Variants in RFTN1 observed in about 807,000 individuals in gnomAD.
RFTN1 encodes raftlin.
A neutral mutation model predicts 46.5 loss-of-function variants in RFTN1; 26 were observed. The ratio of observed to expected loss-of-function variants is 0.56; its 90% CI spans 0.41 to 0.78. The LOEUF is 0.78. RFTN1 is among the 30% of genes least tolerant of loss of function. RFTN1 has a pLI of 0.00. For missense variants in RFTN1, 693 were observed against 718.7 expected (o/e 0.96, Z 0.41); for synonymous variants, 261 against 284.2 (o/e 0.92, Z 0.82).
intron 2 of RFTN1, among the ~76,000 whole-genome samples, chr3:16,476,432 C>A (rs2124959857): frequency 6.6e-6 from 1 of 152,206 alleles, no homozygotes; most frequent in Non-Finnish European, 1.5e-5. Context: ...TGGTAAATAC[C>A]ACATAAACAA....
chr3:16,405,994 T>C (rs2089192553), intron 4 of RFTN1, among the ~76,000 whole-genome samples: 2 of 152,118 alleles, frequency 1.3e-5, no homozygotes, highest in Admixed American at 6.5e-5. Context: ...TACATATATA[T>C]AAATAGGGCC....
rs111862223 is a variant in RFTN1 at position 16,512,416 on chromosome 3, C to CT, written c.-9+1025dup. Among the ~76,000 whole-genome samples, 25 of 33,274 alleles carry CT rather than the reference C, an allele frequency of 7.5e-4. No individual in the cohort carries two copies. The highest frequency in any genetic ancestry group is 0.011 in the Middle Eastern group (1 of 94). The allele number at this position is 33,274 out of a possible 152,430, so 21.8% of individuals were successfully genotyped here. A position where few individuals can be genotyped will look rare whatever the true frequency, so the allele number is the denominator to read the frequency against. On this transcript the variant is annotated intron_variant, in intron 1 of 9. Transcript: ENST00000334133. The surrounding 1 kb of genome is among the most constrained non-coding windows in gnomAD (Gnocchi z 4.3). ...GACCACTGACAGAGATTGAGCCAGA[C>CT]TTTTTTTTTAAAAAAGTACTTCTTG...
At chr3:16,411,265 C>T (rs1040955846) in intron 3 of RFTN1, among the ~76,000 whole-genome samples, 1 of 152,054 alleles carries the variant, frequency 6.6e-6, no homozygotes, top group Admixed American at 6.6e-5. Context: ...TTTGCTGCAA[C>T]GTTTTAAATA....
intron 4 of RFTN1, among the ~76,000 whole-genome samples, chr3:16,378,494 A>C (rs1305185816): frequency 6.6e-6 from 1 of 152,196 alleles, no homozygotes; most frequent in Non-Finnish European, 1.5e-5. Flanking sequence ...TTTCGGACGA[A>C]TCACTGACTT....
Position 16,384,028 on chromosome 3 carries a change from G to T in RFTN1, c.442-5926C>A. The stretch of plus-strand genomic sequence containing the variant: ...TAACATTTACTATCAGTTGACTTTC[G>T]GTAAAGTGGATTCCTCCATTATTAG... On this transcript the variant is annotated intron_variant, in intron 4 of 9. Coordinates refer to ENST00000334133, the MANE Select transcript of RFTN1 (RefSeq NM_015150.2). The surrounding 1 kb of genome is among the most constrained non-coding windows in gnomAD (Gnocchi z 4.7). Among the ~76,000 whole-genome samples the T allele has an allele frequency of 6.6e-6, 1 of 152,298 alleles. No individual in the cohort carries two copies. Among genetic ancestry groups the T allele is most frequent in the African/African-American group, 2.4e-5 (1 of 41,566 alleles).
rs914781368 is a variant in RFTN1, at chr3:16,413,807, A to T, written c.333-4324T>A. ...CAACTTGGTATGATAATTCCAATAG[A>T]TTTATTAGTTAGAGGCTACCGGTGT... On this transcript the variant is annotated intron_variant, in intron 3 of 9. Transcript: ENST00000334133. The surrounding 1 kb of genome is among the most constrained non-coding windows in gnomAD (Gnocchi z 4.7). 6.6e-6 allele frequency among the ~76,000 whole-genome samples: 1 copy of T among 152,318 alleles called. No individual in the cohort carries two copies. Among genetic ancestry groups the T allele is most frequent in the African/African-American group, 2.4e-5 (1 of 41,576 alleles).
chr3:16,320,604 A>C lies in RFTN1; in HGVS notation c.1332+2772T>G, dbSNP rs566023951. On this transcript the variant is annotated intron_variant, in intron 9 of 9. Coordinates refer to ENST00000334133, the MANE Select transcript of RFTN1 (RefSeq NM_015150.2). The surrounding 1 kb of genome is among the most constrained non-coding windows in gnomAD (Gnocchi z 4.5). ...CCAAAGGAGAGCTCTGAAGGAGAAG[A>C]ACGTGGTTCTTTTCCAGGGTAGTAC... Among the ~76,000 whole-genome samples, 2 of 152,258 alleles carry C rather than the reference A, an allele frequency of 1.3e-5. No individual in the cohort carries two copies. The highest frequency in any genetic ancestry group is 6.5e-5 in the Admixed American group (1 of 15,286).
chr3:16,370,017 CA>C lies in RFTN1; in HGVS notation c.1030+58del, dbSNP rs1323806409. 1.3e-6 allele frequency: 2 copies of C among 1,490,512 alleles called. No individual in the cohort carries two copies. The highest frequency in any genetic ancestry group is 2.8e-5 in the African/African-American group (2 of 72,508). 92.3% of individuals were successfully genotyped at this position (1,490,512 alleles called of 1,614,324 possible). A position where few individuals can be genotyped will look rare whatever the true frequency, so the allele number is the denominator to read the frequency against. On this transcript the variant is annotated intron_variant, in intron 6 of 9. Transcript: ENST00000334133. This position sits in a 1 kb window ranked among gnomAD's most constrained non-coding sequence, Gnocchi z 5.5. ...AGACTCTGAAGAGGGACTAAGATTT[CA>C]AGAGTTAGAAGCAGAGTTCACAAAG...
intron 2 of RFTN1, among the ~76,000 whole-genome samples, chr3:16,477,320 C>A (rs2076298160): frequency 6.6e-6 from 1 of 152,148 alleles, no homozygotes; most frequent in African/African-American, 2.4e-5. Flanking sequence ...GAATTCCCAG[C>A]AGGAAAGTGT....
rs763281134 is a variant in RFTN1 at position 16,326,870 on chromosome 3, C to G, written c.1153G>C (p.Glu385Gln). 1 of 1,613,296 alleles carries G rather than the reference C, an allele frequency of 6.2e-7. No individual in the cohort carries two copies. Among genetic ancestry groups the G allele is most frequent in the East Asian group, 2.2e-5 (1 of 44,870 alleles). The change falls in exon 8 of 10, where the codon GAA (glutamate) becomes CAA (glutamine). Residue 385 changes from glutamate (E) to glutamine (Q), a missense_variant. Coordinates refer to ENST00000334133, the MANE Select transcript of RFTN1 (RefSeq NM_015150.2). ...AGGGGCACGTAGTCTGTCTGCACTT[C>G]GACACCCTGGGGGAACAAGGCCAGC... ...VEQWTVLEGVEVQTDYVPLLN... is the reference protein window; with the variant it reads ...VEQWTVLEGVQVQTDYVPLLN...
chr3:16,390,009 A>G (rs2074309777), intron 4 of RFTN1, among the ~76,000 whole-genome samples: 1 of 152,222 alleles, frequency 6.6e-6, no homozygotes, highest in South Asian at 2.1e-4. Flanking sequence ...GCCAACACCA[A>G]CTTGCCAGCC....
At chr3:16,434,241 C>T (rs993229433) in intron 2 of RFTN1, among the ~76,000 whole-genome samples, 1 of 152,040 alleles carries the variant, frequency 6.6e-6, no homozygotes, top group Non-Finnish European at 1.5e-5. Flanking sequence ...AATTGGATGT[C>T]GGCCAGGCGT....
rs1329995746 is a variant in RFTN1, at chr3:16,328,007, A to T, written c.1147-1131T>A. 2.0e-5 allele frequency among the ~76,000 whole-genome samples: 3 copies of T among 152,222 alleles called. No homozygotes were observed. In the East Asian group the frequency reaches 5.8e-4, roughly 29 times the overall value. On this transcript the variant is annotated intron_variant, in intron 7 of 9. Transcript: ENST00000334133. ...TGGCTTCCGAAAATCTCAAACATGT[A>T]TCCAGATTCCTTCCACCCTGTATGC...
In RFTN1 at chr3:16,440,688, G is replaced by C. The variant is rs1038990315; in HGVS notation, c.146-6651C>G. Among the ~76,000 whole-genome samples the C allele has an allele frequency of 2.8e-5, 4 of 141,138 alleles. No individual in the cohort carries two copies. Among genetic ancestry groups the C allele is most frequent in the African/African-American group, 1.2e-4 (4 of 34,324 alleles). 92.6% of individuals were successfully genotyped at this position (141,138 alleles called of 152,430 possible). On this transcript the variant is annotated intron_variant, in intron 2 of 9. Coordinates refer to ENST00000334133, the MANE Select transcript of RFTN1 (RefSeq NM_015150.2). The surrounding 1 kb of genome is among the most constrained non-coding windows in gnomAD (Gnocchi z 4.6). ...AGGGGACAAGATGGTTACTGCTAATGGGGGGGGGGCCCAATGGTGCCAGAA... is the reference window on the plus strand; with the variant it reads ...AGGGGACAAGATGGTTACTGCTAATCGGGGGGGGGCCCAATGGTGCCAGAA...
At chr3:16,350,762 A>G (rs1253437355) in intron 7 of RFTN1, among the ~76,000 whole-genome samples, 2 of 152,162 alleles carry the variant, frequency 1.3e-5, no homozygotes, top group African/African-American at 4.8e-5. Flanking sequence ...TCACAGGAAA[A>G]TCATCCCTAT....
chr3:16,503,087 C>T (rs2076739832), intron 1 of RFTN1, among the ~76,000 whole-genome samples: 1 of 152,010 alleles, frequency 6.6e-6, no homozygotes. Context: ...ACTTGCTTAC[C>T]CCCACTCCTC....
intron 2 of RFTN1, among the ~76,000 whole-genome samples, chr3:16,472,915 A>G (rs987348199): frequency 3.9e-5 from 6 of 152,240 alleles, no homozygotes. Flanking sequence ...TGGCACTACC[A>G]GGTTGACTGG....
intron 2 of RFTN1, among the ~76,000 whole-genome samples, chr3:16,455,758 T>C (rs1249927776): frequency 4.6e-5 from 7 of 152,184 alleles, no homozygotes; most frequent in Non-Finnish European, 7.3e-5. Context: ...AATCTAATCA[T>C]GGACTATTAA....
chr3:16,411,438 A>C (rs559707527), intron 3 of RFTN1, among the ~76,000 whole-genome samples: 1 of 152,186 alleles, frequency 6.6e-6, no homozygotes, highest in South Asian at 2.1e-4. Flanking sequence ...GCTTATTTTT[A>C]TTTTTCTTTC....
Sources: gnomAD v4.1 joint callset for allele counts (sites outside exome capture counted in the v4.1 genomes callset) on GRCh38, gnomAD v4.1.1 for gene constraint, Gnocchi (gnomAD v3.1) non-coding constraint, MANE v1.5 for transcripts, NCBI Gene and HGNC (gene_info 2026-07-23, HGNC 2026-07-21) for gene names.